Variants in FAM177B observed in about 807,000 individuals in gnomAD.
The protein encoded by FAM177B is family with sequence similarity 177 member B.
FAM177B carries 16 observed loss-of-function variants against 16.1 expected under a neutral mutation model. That is an observed-to-expected ratio of 0.99 (90% confidence interval 0.67 to 1.51). The LOEUF is 1.51. Ranked by LOEUF, FAM177B falls within the 40% of genes most tolerant of loss-of-function variation. The probability of loss-of-function intolerance (pLI) is 0.00; values close to 1 mark genes in which losing one functional copy is unlikely to be tolerated. For synonymous variants in FAM177B, 56 were observed against 59.9 expected, an observed-to-expected ratio of 0.93 and a Z score of 0.30; for missense variants, 178 against 183.7, an observed-to-expected ratio of 0.97 and a Z score of 0.18.
At chr1:222,747,242 T>C (rs1658842605) in intron 4 of FAM177B, 161 bp downstream of exon 4, 1 of 594,098 alleles carries the variant, frequency 1.7e-6, no homozygotes, top group Non-Finnish European at 3.0e-6. Flanking sequence ...GAACTTCGCA[T>C]CCTCAGGCAG....
chr1:222,742,132 G>C (rs1658582020), intron 2 of FAM177B, among the ~76,000 whole-genome samples: 1 of 151,812 alleles, frequency 6.6e-6, no homozygotes, highest in Non-Finnish European at 1.5e-5. Flanking sequence ...ACTACTATTA[G>C]ACGTACTGAA....
Position 222,749,159 on chromosome 1 carries a change from T to C in FAM177B, c.242-306T>C, listed in dbSNP as rs927552169. On this transcript the variant is annotated intron_variant, in intron 4 of 5. Transcript: ENST00000445590. ...TGGGGATAATGAACAATACCTGTTC[T>C]GATTGCTCAGGACCCATGCTATACC... is the stretch of plus-strand genomic sequence containing the variant. 18 of 445,822 alleles carry C rather than the reference T, an allele frequency of 4.0e-5. No homozygotes were observed. In the East Asian group the frequency reaches 1.1e-3, roughly 27 times the overall value. The allele number at this position is 445,822 out of a possible 1,614,324, so 27.6% of individuals were successfully genotyped here.
At position 222,750,065 on chromosome 1, in the gene FAM177B, T is replaced by A. The variant is rs376478536; in HGVS notation, c.*7T>A. ...AGAGGCCATTCCTCAGTGAAGCACC[T>A]CATCCAGGGAGGGTCTGGTGGCAGA... On this transcript the variant is annotated 3_prime_UTR_variant, in exon 6 of 6. Transcript: ENST00000445590. 171 of 1,610,864 alleles carry A rather than the reference T, an allele frequency of 1.1e-4. No individual in the cohort carries two copies. Among genetic ancestry groups the A allele is most frequent in the Non-Finnish European group, 1.3e-4 (159 of 1,178,838 alleles).
intron 2 of FAM177B, among the ~76,000 whole-genome samples, chr1:222,743,629 C>T (rs1216659501): frequency 2.6e-5 from 4 of 152,144 alleles, no homozygotes; most frequent in Non-Finnish European, 5.9e-5. Flanking sequence ...GGCCACACAC[C>T]AGCATGTGGT....
chr1:222,741,062 T>TC (rs1350263187), intron 2 of FAM177B, among the ~76,000 whole-genome samples: 2 of 136,040 alleles, frequency 1.5e-5, no homozygotes, highest in African/African-American at 2.7e-5. Context: ...GTTTTCTTTT[T>TC]TTTTTTTTTT....
At chr1:222,741,695 ACT>A (rs1658539480) in intron 2 of FAM177B, among the ~76,000 whole-genome samples, 1 of 142,618 alleles carries the variant, frequency 7.0e-6, no homozygotes, top group African/African-American at 2.6e-5. Flanking sequence ...ACCTTGCTCA[ACT>A]CTCTCTTTTC....
chr1:222,746,100 C>T (rs983450359), intron 2 of FAM177B, among the ~76,000 whole-genome samples: 1 of 152,154 alleles, frequency 6.6e-6, no homozygotes, highest in Admixed American at 6.5e-5. Flanking sequence ...GAATTGTAAT[C>T]GCTCTTTACA....
chr1:222,741,876 TCTTC>T (rs1658559661), intron 2 of FAM177B, among the ~76,000 whole-genome samples: 2 of 140,044 alleles, frequency 1.4e-5, no homozygotes, highest in Admixed American at 7.1e-5. Flanking sequence ...TTTCTTTCTT[TCTTC>T]CTTCCTTCCC....
chr1:222,741,060 T>TTC (rs1355607482), intron 2 of FAM177B, among the ~76,000 whole-genome samples: 8 of 132,936 alleles, frequency 6.0e-5, no homozygotes, highest in African/African-American at 8.4e-5. Flanking sequence ...TTGTTTTCTT[T>TTC]TTTTTTTTTT....
chr1:222,750,146 A>G lies in FAM177B; in HGVS notation c.*88A>G. 1 of 1,540,008 alleles carries G rather than the reference A, an allele frequency of 6.5e-7. No individual in the cohort carries two copies. Among genetic ancestry groups the G allele is most frequent in the Non-Finnish European group, 8.7e-7 (1 of 1,148,506 alleles). On this transcript the variant is annotated 3_prime_UTR_variant, in exon 6 of 6. Transcript: ENST00000445590. The stretch of plus-strand genomic sequence containing the variant: ...GTTTCCCTGGATCTGTTCCTTGGCC[A>G]TTGATTACCATGGCAACAACACCAG...
At chr1:222,740,043 T>C (rs531063912) in intron 2 of FAM177B, among the ~76,000 whole-genome samples, 1 of 152,324 alleles carries the variant, frequency 6.6e-6, no homozygotes, top group East Asian at 1.9e-4. Context: ...GAGGCTTTTC[T>C]GTGATACACC....
At chr1:222,744,657 A>G (rs1464138232) in intron 2 of FAM177B, among the ~76,000 whole-genome samples, 1 of 152,114 alleles carries the variant, frequency 6.6e-6, no homozygotes, top group Non-Finnish European at 1.5e-5. Flanking sequence ...CTTCATTACA[A>G]TTTTATAAGG....
intron 4 of FAM177B, chr1:222,748,941 C>T (rs972166112): frequency 1.1e-5 from 5 of 456,964 alleles, no homozygotes; most frequent in African/African-American, 6.1e-5. Flanking sequence ...TGCCTTTATC[C>T]CTGACTCTAA....
chr1:222,742,100 C>T (rs1658579950), intron 2 of FAM177B, among the ~76,000 whole-genome samples: 1 of 151,884 alleles, frequency 6.6e-6, no homozygotes, highest in Admixed American at 6.6e-5. Flanking sequence ...GCCACAGCGC[C>T]CGGCCTGTAT....
chr1:222,746,235 C>T (rs142338376), intron 2 of FAM177B, among the ~76,000 whole-genome samples: 3 of 152,290 alleles, frequency 2.0e-5, no homozygotes, highest in East Asian at 1.9e-4. Flanking sequence ...AATTGAGAAA[C>T]GTCTGCAGGA....
chr1:222,741,987 A>G (rs1658573662), intron 2 of FAM177B, among the ~76,000 whole-genome samples: 1 of 130,222 alleles, frequency 7.7e-6, no homozygotes, highest in Non-Finnish European at 1.6e-5. Context: ...TTCTTCTTTC[A>G]TAGAGACAAG....
intron 4 of FAM177B, chr1:222,749,063 T>C (rs746700560): frequency 2.1e-6 from 1 of 472,118 alleles, no homozygotes; most frequent in African/African-American, 2.0e-5. Context: ...CTGATGTGGG[T>C]CTTGGTAACA....
intron 2 of FAM177B, among the ~76,000 whole-genome samples, chr1:222,741,057 C>CT (rs369907456): frequency 0.15 from 12,173 of 82,076 alleles, 2,350 homozygotes; most frequent in African/African-American, 0.28. Flanking sequence ...TTTTTGTTTT[C>CT]TTTTTTTTTT....
At chr1:222,737,618 G>C (rs1373347051) in intron 1 of FAM177B, among the ~76,000 whole-genome samples, 2 of 152,180 alleles carry the variant, frequency 1.3e-5, no homozygotes, top group Non-Finnish European at 2.9e-5. Flanking sequence ...AAAGCTCGTA[G>C]GGGTTAGGTA....
Sources: gnomAD v4.1 joint callset for allele counts (sites outside exome capture counted in the v4.1 genomes callset) on GRCh38, gnomAD v4.1.1 for gene constraint, MANE v1.5 for transcripts, NCBI Gene and HGNC (gene_info 2026-07-23, HGNC 2026-07-21) for gene names.